The following EXT1 variants were observed in gnomAD, a reference collection of about 807,000 sequenced individuals.
The protein encoded by EXT1 is exostosin glycosyltransferase 1.
Under a neutral mutation model 82.5 loss-of-function variants are expected in EXT1, and 20 were observed. That is an observed-to-expected ratio of 0.24 (90% confidence interval 0.17 to 0.35). The LOEUF (loss-of-function observed/expected upper bound fraction) is 0.35. EXT1 is among the 10% of genes least tolerant of loss of function. EXT1 has a pLI of 1.00. For missense variants in EXT1, 757 were observed against 936.5 expected (o/e 0.81, Z 2.50); for synonymous variants, 348 against 350.8 (o/e 0.99, Z 0.09).
chr8:118,011,588 G>A (rs1485619195), intron 1 of EXT1, among the ~76,000 whole-genome samples: 1 of 152,144 alleles, frequency 6.6e-6, no homozygotes, highest in Non-Finnish European at 1.5e-5. Context: ...TGCTATTTCA[G>A]ATTAGGAAAA....
chr8:117,804,000 GA>G, intron 10 of EXT1, among the ~76,000 whole-genome samples: 1 of 152,316 alleles, frequency 6.6e-6, no homozygotes, highest in South Asian at 2.1e-4. Flanking sequence ...GCAAGCACCA[GA>G]AAACTGTGTT....
chr8:118,094,187 A>G (rs1282992419), intron 1 of EXT1, among the ~76,000 whole-genome samples: 2 of 152,250 alleles, frequency 1.3e-5, no homozygotes, highest in Non-Finnish European at 2.9e-5. Flanking sequence ...GCTTCACAGA[A>G]CTAGTGGGAA....
At chr8:118,068,501 C>T (rs1817030647) in intron 1 of EXT1, among the ~76,000 whole-genome samples, 1 of 152,160 alleles carries the variant, frequency 6.6e-6, no homozygotes, top group South Asian at 2.1e-4. Flanking sequence ...CGACAGGCCC[C>T]AGTGTGTGTG....
intron 9 of EXT1, among the ~76,000 whole-genome samples, chr8:117,805,707 C>G (rs1489413631): frequency 1.3e-5 from 2 of 152,120 alleles, no homozygotes; most frequent in Non-Finnish European, 2.9e-5. Context: ...GCAAAATTCC[C>G]TATTCTTTAC....
chr8:117,805,486 T>G (rs1823224053), intron 9 of EXT1, among the ~76,000 whole-genome samples: 2 of 152,206 alleles, frequency 1.3e-5, no homozygotes, highest in Non-Finnish European at 2.9e-5. Context: ...ATAATTAATT[T>G]GAATTATTTC....
At chr8:118,021,693 T>C (rs572449891) in intron 1 of EXT1, among the ~76,000 whole-genome samples, 2 of 152,284 alleles carry the variant, frequency 1.3e-5, no homozygotes, top group East Asian at 1.9e-4. Context: ...GTCTGAATGT[T>C]TGAAACTTAC....
At chr8:117,839,511 T>C (rs535735031) in intron 1 of EXT1, among the ~76,000 whole-genome samples, 1 of 152,340 alleles carries the variant, frequency 6.6e-6, no homozygotes, top group South Asian at 2.1e-4. Flanking sequence ...AACATATGTG[T>C]GTATTCACAT....
At chr8:118,038,526 C>G (rs553817191) in intron 1 of EXT1, among the ~76,000 whole-genome samples, 1 of 152,292 alleles carries the variant, frequency 6.6e-6, no homozygotes, top group East Asian at 1.9e-4. Context: ...AATTTAAAAA[C>G]AGCTCAGGTC....
At chr8:117,938,980 CG>C (rs1395370756) in intron 1 of EXT1, among the ~76,000 whole-genome samples, 1 of 152,192 alleles carries the variant, frequency 6.6e-6, no homozygotes, top group Non-Finnish European at 1.5e-5. Context: ...CAGGCAGTCA[CG>C]GCCATTTGCC....
intron 1 of EXT1, among the ~76,000 whole-genome samples, chr8:117,925,195 C>T (rs977439767): frequency 6.6e-6 from 1 of 152,176 alleles, no homozygotes; most frequent in Non-Finnish European, 1.5e-5. Flanking sequence ...CTGTCCCTCA[C>T]CTGGATTATA....
intron 1 of EXT1, among the ~76,000 whole-genome samples, chr8:118,096,243 A>G (rs572667415): frequency 2.0e-5 from 3 of 152,156 alleles, no homozygotes; most frequent in Non-Finnish European, 4.4e-5. Context: ...AATTATTTGG[A>G]TTTGTGTTAT....
At chr8:118,073,694 GAA>G (rs748678966) in intron 1 of EXT1, among the ~76,000 whole-genome samples, 10,500 of 130,838 alleles carry the variant, frequency 0.08, 527 homozygotes, top group Non-Finnish European at 0.11. Context: ...GAAGAGAAGA[GAA>G]GAGAAGAGAA....
rs372575361 is a variant in EXT1, at chr8:117,867,260, GAA to G, written c.963-30061_963-30060del. On this transcript the variant is annotated intron_variant, in intron 1 of 10. Coordinates refer to ENST00000378204, the MANE Select transcript of EXT1 (RefSeq NM_000127.3). ...GGCGACAGAGTGAGACTCCACCTCA[GAA>G]AAAAAAAAAAAGCTTGAGGAAATTT... 1.5e-4 allele frequency among the ~76,000 whole-genome samples: 15 copies of G among 98,896 alleles called. 3 individuals are homozygous for G. The highest frequency in any genetic ancestry group is 2.2e-4 in the Admixed American group (2 of 9,296). 64.9% of individuals were successfully genotyped at this position (98,896 alleles called of 152,430 possible). A position where few individuals can be genotyped will look rare whatever the true frequency, so the allele number is the denominator to read the frequency against.
Position 118,111,536 on chromosome 8 carries a change from TC to T in EXT1, c.-491del. The T allele has an allele frequency of 2.2e-6, 1 of 444,644 alleles. No homozygotes were observed. Among genetic ancestry groups the T allele is most frequent in the Non-Finnish European group, 4.0e-6 (1 of 252,710 alleles). The allele number at this position is 444,644 out of a possible 1,614,324, so 27.5% of individuals were successfully genotyped here. A position where few individuals can be genotyped will look rare whatever the true frequency, so the allele number is the denominator to read the frequency against. On this transcript the variant is annotated 5_prime_UTR_variant, in exon 1 of 11. Transcript: ENST00000378204. ...ACTCCGGTTCCAACAAGTCAGCCGA[TC>T]CCGGGTTCAGCCGGCTAGTGCATCT...
chr8:118,076,465 C>A (rs1013453576), intron 1 of EXT1, among the ~76,000 whole-genome samples: 16 of 152,198 alleles, frequency 1.1e-4, no homozygotes, highest in African/African-American at 3.4e-4. Flanking sequence ...TGTATATTTC[C>A]ACTATCACGC....
intron 1 of EXT1, among the ~76,000 whole-genome samples, chr8:117,860,271 G>A (rs1812658110): frequency 6.6e-6 from 1 of 151,790 alleles, no homozygotes; most frequent in East Asian, 1.9e-4. Context: ...AAAACTGCAT[G>A]TTCTCACTCA....
intron 10 of EXT1, among the ~76,000 whole-genome samples, chr8:117,801,037 T>C (rs190903597): frequency 2.6e-4 from 39 of 152,396 alleles, no homozygotes; most frequent in African/African-American, 7.5e-4. Context: ...TGTGTATTTG[T>C]TGTACTCACA....
intron 1 of EXT1, among the ~76,000 whole-genome samples, chr8:118,102,672 G>A (rs1302363155): frequency 6.6e-6 from 1 of 152,190 alleles, no homozygotes; most frequent in South Asian, 2.1e-4. Context: ...CAGAGACAGA[G>A]CCACATAAAC....
chr8:117,960,253 C>G (rs944278012), intron 1 of EXT1, among the ~76,000 whole-genome samples: 1 of 151,988 alleles, frequency 6.6e-6, no homozygotes, highest in Admixed American at 6.6e-5. Flanking sequence ...AAATAGATAC[C>G]CAATAAAATA....
Sources: allele counts gnomAD v4.1 joint callset (sites outside exome capture counted in the v4.1 genomes callset), GRCh38; gene constraint gnomAD v4.1.1; transcripts MANE v1.5; gene names NCBI Gene and HGNC (gene_info 2026-07-23, HGNC 2026-07-21).